FANCL: variants seen among roughly 807,000 people sequenced by gnomAD.
FANCL encodes FA complementation group L.
In FANCL, 69 loss-of-function variants were observed where a neutral mutation model predicts 59.4. That is an observed-to-expected ratio of 1.16 (90% CI 0.96 to 1.42). The LOEUF is 1.42. Among genes scored for constraint, FANCL ranks in the 40% most tolerant of loss-of-function variants. The probability of loss-of-function intolerance (pLI) is 0.00; values close to 1 mark genes in which losing one functional copy is unlikely to be tolerated. For missense variants in FANCL, 519 were observed against 447.2 expected (o/e 1.16, Z -1.45); for synonymous variants, 180 against 147.1 (o/e 1.22, Z -1.62).
rs771442622 is a variant in FANCL, at chr2:58,204,111, A to G, written c.471+19T>C. 6.4e-7 allele frequency: 1 copy of G among 1,572,444 alleles called. No individual in the cohort carries two copies. Among genetic ancestry groups the G allele is most frequent in the South Asian group, 1.1e-5 (1 of 90,276 alleles). On this transcript the variant is annotated intron_variant, in intron 6 of 13. Coordinates refer to ENST00000233741, the MANE Select transcript of FANCL (RefSeq NM_018062.4). ...CAAAGTATTTTCTGATCACAATAAC[A>G]GTTTAACGAGGCACATACCTTTGCC...
intron 7 of FANCL, among the ~76,000 whole-genome samples, chr2:58,181,960 A>C (rs1195967525): frequency 6.6e-6 from 1 of 151,708 alleles, no homozygotes; most frequent in East Asian, 1.9e-4. Context: ...ATATTTAAAT[A>C]ATATATTTAA....
chr2:58,179,596 A>G (rs759297087), intron 7 of FANCL, among the ~76,000 whole-genome samples: 2 of 152,238 alleles, frequency 1.3e-5, no homozygotes, highest in Non-Finnish European at 2.9e-5. Flanking sequence ...AATATGGATT[A>G]AAGACTTAAA....
Position 58,163,052 on chromosome 2 carries a change from C to T in FANCL, c.798G>A (p.Lys266=), listed in dbSNP as rs1335607562. Residue 266 remains lysine (K), a synonymous_variant, in exon 10 of 14, where the codon AAG becomes AAA. Coordinates refer to ENST00000233741, the MANE Select transcript of FANCL (RefSeq NM_018062.4). ...ACCACAAATGTATGTTCCTGCTCAG[C>T]TTAATTCCCAGGGGTTTTACCACTT... ...ADHVVKPLGI[K]LSRNIHLWDP... 6.2e-7 allele frequency: 1 copy of T among 1,612,264 alleles called. No individual in the cohort carries two copies. The highest frequency in any genetic ancestry group is 1.3e-5 in the African/African-American group (1 of 74,804).
chr2:58,199,771 A>T (rs935934956), intron 6 of FANCL, among the ~76,000 whole-genome samples: 3 of 152,132 alleles, frequency 2.0e-5, no homozygotes, highest in Non-Finnish European at 4.4e-5. Context: ...TTTCATTAAA[A>T]AGCTAAATGT....
intron 7 of FANCL, among the ~76,000 whole-genome samples, chr2:58,168,021 C>T (rs1394885993): frequency 6.6e-6 from 1 of 151,978 alleles, no homozygotes; most frequent in East Asian, 1.9e-4. Flanking sequence ...GAATTAAATA[C>T]TTTATATACA....
intron 4 of FANCL, 114 bp from the exon 5 acceptor site, chr2:58,222,156 T>C (rs942469762): frequency 5.0e-5 from 36 of 726,184 alleles, no homozygotes; most frequent in African/African-American, 4.6e-4. Flanking sequence ...AAAGTGCCTG[T>C]TTTTTTACGG....
intron 5 of FANCL, among the ~76,000 whole-genome samples, chr2:58,212,193 G>C (rs1172107344): frequency 6.6e-6 from 1 of 152,228 alleles, no homozygotes; most frequent in Non-Finnish European, 1.5e-5. Context: ...GGAAGGCAAA[G>C]AGGAGCAAGT....
In FANCL at chr2:58,168,110, C is replaced by T. The variant is rs571620651; in HGVS notation, c.541-2236G>A. 1.1e-3 allele frequency among the ~76,000 whole-genome samples: 161 copies of T among 152,126 alleles called. 4 individuals carry two copies. In the South Asian group the frequency reaches 0.033, roughly 31 times the overall value. ...AGTATTTTGCAGGGAGATGAATTCT[C>T]TAAAAAATATTTTTAAAAATAAAAA... On this transcript the variant is annotated intron_variant, in intron 7 of 13. Transcript: ENST00000233741.
chr2:58,164,909 C>T (rs1304068075), intron 8 of FANCL, among the ~76,000 whole-genome samples: 1 of 151,950 alleles, frequency 6.6e-6, no homozygotes, highest in Non-Finnish European at 1.5e-5. Context: ...TGACATTCTT[C>T]CCCCAGATAA....
intron 7 of FANCL, among the ~76,000 whole-genome samples, chr2:58,171,664 C>T (rs1236167058): frequency 6.6e-6 from 1 of 152,182 alleles, no homozygotes; most frequent in East Asian, 1.9e-4. Flanking sequence ...GTCTACAGCT[C>T]CCAGGGTGAG....
chr2:58,217,131 T>A (rs1248331376), intron 5 of FANCL, among the ~76,000 whole-genome samples: 8 of 108,100 alleles, frequency 7.4e-5, no homozygotes, highest in African/African-American at 1.8e-4. Flanking sequence ...ATATATATAT[T>A]TTTATATATA....
In FANCL at chr2:58,163,024, C is replaced by A; in HGVS notation, c.821+5G>T. ...AAGTAAAAATTATATTGCCAAGGTA[C>A]CTACCACAAATGTATGTTCCTGCTC... On this transcript the variant is annotated splice_donor_5th_base_variant and intron_variant, in intron 10 of 13. Transcript: ENST00000233741. 6.2e-7 allele frequency: 1 copy of A among 1,612,462 alleles called. No individual in the cohort carries two copies. The highest frequency in any genetic ancestry group is 8.5e-7 in the Non-Finnish European group (1 of 1,178,946).
chr2:58,189,166 T>C (rs1688689439), intron 7 of FANCL, among the ~76,000 whole-genome samples: 1 of 152,206 alleles, frequency 6.6e-6, no homozygotes, highest in South Asian at 2.1e-4. Flanking sequence ...TGGATGTGTT[T>C]ATTATCCTGA....
chr2:58,220,835 T>C (rs570251839), intron 5 of FANCL, among the ~76,000 whole-genome samples: 3 of 152,330 alleles, frequency 2.0e-5, no homozygotes, highest in South Asian at 2.1e-4. Flanking sequence ...TGTACCTAAG[T>C]TAGCCCTCGA....
rs545147000 is a variant in FANCL, at chr2:58,194,967, C to T, written c.540+3627G>A. Among the ~76,000 whole-genome samples the T allele has an allele frequency of 2.0e-5, 3 of 151,498 alleles. No individual in the cohort carries two copies. In the South Asian group the frequency reaches 6.3e-4, roughly 32 times the overall value. Reference sequence around the variant, plus strand: ...ATAAAGATCTTCCAAGTTTAAAGTCCAGAAACACTGACTCCAAAGAGAAAA... The same window carrying T: ...ATAAAGATCTTCCAAGTTTAAAGTCTAGAAACACTGACTCCAAAGAGAAAA... On this transcript the variant is annotated intron_variant, in intron 7 of 13. Transcript: ENST00000233741.
intron 7 of FANCL, among the ~76,000 whole-genome samples, chr2:58,192,328 G>C (rs1490253626): frequency 6.6e-6 from 1 of 151,830 alleles, no homozygotes; most frequent in East Asian, 1.9e-4. Context: ...AAGTAAGTGA[G>C]ATTCAAAGTC....
At chr2:58,168,454 G>C (rs1250542036) in intron 7 of FANCL, among the ~76,000 whole-genome samples, 1 of 152,176 alleles carries the variant, frequency 6.6e-6, no homozygotes, top group Non-Finnish European at 1.5e-5. Flanking sequence ...ACAACCCGCA[G>C]ATCAGGAGAT....
At chr2:58,199,504 C>T (rs1689782798) in intron 6 of FANCL, among the ~76,000 whole-genome samples, 2 of 151,998 alleles carry the variant, frequency 1.3e-5, no homozygotes. Flanking sequence ...AATGAAATAT[C>T]TTCTGGCTTA....
chr2:58,232,569 A>G (rs573799851), intron 1 of FANCL, among the ~76,000 whole-genome samples: 66 of 152,242 alleles, frequency 4.3e-4, no homozygotes, highest in African/African-American at 1.5e-3. Flanking sequence ...AAATTTTAAT[A>G]AAATGAAAAT....
Sources: gnomAD v4.1 joint callset for allele counts (sites outside exome capture counted in the v4.1 genomes callset) on GRCh38, gnomAD v4.1.1 for gene constraint, MANE v1.5 for transcripts, NCBI Gene and HGNC (gene_info 2026-07-23, HGNC 2026-07-21) for gene names.